Variants in CNTN6 observed in about 807,000 individuals in gnomAD.
CNTN6 encodes contactin-6.
In CNTN6, 137 loss-of-function variants were observed where a neutral mutation model predicts 122.8. The ratio of observed to expected loss-of-function variants is 1.12; its 90% CI spans 0.97 to 1.29. The LOEUF is 1.29. CNTN6 is among the 50% of genes most tolerant of loss of function. The pLI is 0.00. For synonymous variants in CNTN6, 570 were observed against 426.0 expected (o/e 1.34, Z -4.16); for missense variants, 1,634 against 1,223.4 (o/e 1.34, Z -5.01).
At chr3:1,283,798 G>T (rs547408973) in intron 5 of CNTN6, among the ~76,000 whole-genome samples, 1 of 152,058 alleles carries the variant, frequency 6.6e-6, no homozygotes, top group Non-Finnish European at 1.5e-5. Context: ...TCAGGAGTTC[G>T]AGACCAGCCT....
At chr3:1,150,781 G>A (rs776330321) in intron 2 of CNTN6, among the ~76,000 whole-genome samples, 8 of 152,170 alleles carry the variant, frequency 5.3e-5, no homozygotes, top group Non-Finnish European at 8.8e-5. Context: ...AGTGGATTTT[G>A]CAGATGTGAT....
chr3:1,301,882 A>G (rs551025), intron 7 of CNTN6, among the ~76,000 whole-genome samples: 9,028 of 152,284 alleles, frequency 0.059, 936 homozygotes, highest in African/African-American at 0.21. Flanking sequence ...ACCAAAAAGA[A>G]TTTTATATAT....
At chr3:1,178,862 G>T (rs12106966) in intron 2 of CNTN6, among the ~76,000 whole-genome samples, 16,748 of 152,110 alleles carry the variant, frequency 0.11, 1,546 homozygotes, top group East Asian at 0.43. Context: ...CCAGAGAGTA[G>T]TCTGTTTCAC....
In CNTN6 at chr3:1,170,998, G is replaced by A. The variant is rs115747176; in HGVS notation, c.55+22935G>A. On this transcript the variant is annotated intron_variant, in intron 2 of 22. Coordinates refer to ENST00000446702, the MANE Select transcript of CNTN6 (RefSeq NM_001289080.2). Reference sequence around the variant, plus strand: ...CGATAAACAGTAACTAGTGGTGACTGGGGTAGGGGTAGTGCCAATAGTTGC... The same window carrying A: ...CGATAAACAGTAACTAGTGGTGACTAGGGTAGGGGTAGTGCCAATAGTTGC... Among the ~76,000 whole-genome samples the A allele has an allele frequency of 4.8e-3, 732 of 152,332 alleles. 4 individuals are homozygous for A. Among genetic ancestry groups the A allele is most frequent in the Non-Finnish European group, 8.0e-3 (546 of 68,024 alleles).
rs199511327 is a variant in CNTN6 at position 1,402,327 on chromosome 3, C to T, written c.2827C>T (p.Arg943Trp). Residue 943 changes from arginine (R) to tryptophan (W), a missense_variant, in exon 22 of 23, where the codon CGG becomes TGG. Coordinates refer to ENST00000446702, the MANE Select transcript of CNTN6 (RefSeq NM_001289080.2). ...ACCTCATTTTATTCAGATTCTGTAC[C>T]GGCAAAACAGACAGAGTAAAACTCA... ...SEVLGYKILY[R>W]QNRQSKTHIL... 117 of 1,605,962 alleles carry T rather than the reference C, an allele frequency of 7.3e-5. 2 individuals are homozygous for T. The highest frequency in any genetic ancestry group is 5.6e-4 in the South Asian group (51 of 90,378).
At chr3:1,324,551 C>G (rs1203716140) in intron 8 of CNTN6, among the ~76,000 whole-genome samples, 1 of 149,604 alleles carries the variant, frequency 6.7e-6, no homozygotes, top group Non-Finnish European at 1.5e-5. Flanking sequence ...TAGTTTACAC[C>G]TGCACTACCC....
At chr3:1,277,326 T>C (rs1450290025) in intron 4 of CNTN6, among the ~76,000 whole-genome samples, 1 of 150,320 alleles carries the variant, frequency 6.7e-6, no homozygotes, top group Non-Finnish European at 1.5e-5. Context: ...GAATACTACT[T>C]CTGTCTTTTA....
intron 9 of CNTN6, among the ~76,000 whole-genome samples, chr3:1,326,727 G>T (rs958305620): frequency 3.0e-4 from 46 of 151,902 alleles, no homozygotes; most frequent in African/African-American, 1.1e-3. Context: ...TTGTTTGGAA[G>T]CTGAATATAA....
intron 11 of CNTN6, among the ~76,000 whole-genome samples, chr3:1,343,330 C>T (rs1575784349): frequency 6.6e-6 from 1 of 152,080 alleles, no homozygotes; most frequent in African/African-American, 2.4e-5. Flanking sequence ...ACCCCAACCC[C>T]TGCATTGTTC....
rs1297673449 is a variant in CNTN6, at chr3:1,260,871, C to G, written c.359-17542C>G. On this transcript the variant is annotated intron_variant, in intron 4 of 22. Transcript: ENST00000446702. ...CTGAGGCCTCCCCAGACATGCTGAA[C>G]TGTGAGCCAATTAAACCTCTTTCCT... Among the ~76,000 whole-genome samples the G allele has an allele frequency of 2.0e-5, 3 of 152,100 alleles. No homozygotes were observed. The East Asian group carries it at 5.8e-4, about 29-fold the overall frequency.
At chr3:1,160,652 T>G (rs1008886790) in intron 2 of CNTN6, among the ~76,000 whole-genome samples, 2 of 141,234 alleles carry the variant, frequency 1.4e-5, no homozygotes, top group African/African-American at 5.3e-5. Context: ...AATGTAGTCA[T>G]AAATGTACGT....
At chr3:1,395,751 G>C (rs892239438) in intron 20 of CNTN6, among the ~76,000 whole-genome samples, 3 of 152,146 alleles carry the variant, frequency 2.0e-5, no homozygotes, top group Non-Finnish European at 4.4e-5. Flanking sequence ...TCCTTATTTT[G>C]CTTACCACAG....
At chr3:1,371,128 A>C (rs1198965399) in intron 12 of CNTN6, among the ~76,000 whole-genome samples, 1 of 152,160 alleles carries the variant, frequency 6.6e-6, no homozygotes, top group Non-Finnish European at 1.5e-5. Context: ...TAATAACTAA[A>C]CATTCTATTG....
At chr3:1,345,982 A>AT (rs78447390) in intron 11 of CNTN6, among the ~76,000 whole-genome samples, 108 of 144,698 alleles carry the variant, frequency 7.5e-4, no homozygotes, top group Middle Eastern at 3.6e-3. Flanking sequence ...CGATGACCTG[A>AT]TTTTTTTTTT....
chr3:1,257,489 G>A (rs912527384), intron 4 of CNTN6, among the ~76,000 whole-genome samples: 3 of 151,950 alleles, frequency 2.0e-5, no homozygotes, highest in Non-Finnish European at 4.4e-5. Context: ...CGAGGCCTTC[G>A]ATTCACCTTG....
At chr3:1,248,564 A>C (rs1315220161) in intron 4 of CNTN6, among the ~76,000 whole-genome samples, 1 of 152,198 alleles carries the variant, frequency 6.6e-6, no homozygotes, top group Non-Finnish European at 1.5e-5. Flanking sequence ...TTGGGCCTGT[A>C]ATCTCAGCAC....
At chr3:1,392,188 G>A (rs1342843101) in intron 20 of CNTN6, among the ~76,000 whole-genome samples, 108 of 152,266 alleles carry the variant, frequency 7.1e-4, no homozygotes, top group Admixed American at 7.1e-3. Flanking sequence ...AAACAGCATG[G>A]TACTGGTACC....
At chr3:1,130,029 A>T (rs1329513979) in intron 1 of CNTN6, among the ~76,000 whole-genome samples, 1 of 152,076 alleles carries the variant, frequency 6.6e-6, no homozygotes, top group East Asian at 1.9e-4. Context: ...TTTAATTTTT[A>T]GTGTGATTTA....
intron 7 of CNTN6, among the ~76,000 whole-genome samples, chr3:1,319,976 C>A (rs750942642): frequency 6.6e-6 from 1 of 151,532 alleles, no homozygotes; most frequent in Non-Finnish European, 1.5e-5. Context: ...CTATAAAATT[C>A]ACTAGACATT....
Sources: gnomAD v4.1 joint callset for allele counts (sites outside exome capture counted in the v4.1 genomes callset) on GRCh38, gnomAD v4.1.1 for gene constraint, MANE v1.5 for transcripts, NCBI Gene and HGNC (gene_info 2026-07-23, HGNC 2026-07-21) for gene names.